Variants in SMC2 observed in about 807,000 individuals in gnomAD.
The protein encoded by SMC2 is structural maintenance of chromosomes 2.
A neutral mutation model predicts 142.6 loss-of-function variants in SMC2; 41 were observed. The observed-to-expected ratio is 0.29, with a 90% CI of 0.22 to 0.37. The LOEUF (loss-of-function observed/expected upper bound fraction) is 0.37. Ranked by LOEUF, SMC2 falls within the 10% of genes least tolerant of loss-of-function variation. The pLI is 1.00. For missense variants in SMC2, 1,265 were observed against 1,373.7 expected, an observed-to-expected ratio of 0.92 and a Z score of 1.25; for synonymous variants, 463 against 457.5, an observed-to-expected ratio of 1.01 and a Z score of -0.15.
intron 4 of SMC2, among the ~76,000 whole-genome samples, chr9:104,098,859 T>C (rs1041321956): frequency 6.6e-6 from 1 of 150,860 alleles, no homozygotes; most frequent in African/African-American, 2.4e-5. Context: ...AGCCATAATA[T>C]ATCCTTTTAA....
chr9:104,121,085 AGAGT>A (rs1368825474), intron 16 of SMC2, among the ~76,000 whole-genome samples: 7 of 152,210 alleles, frequency 4.6e-5, no homozygotes, highest in African/African-American at 1.7e-4. Context: ...AACACACGAA[AGAGT>A]GAGTGAACAA....
intron 11 of SMC2, 144 bp from the exon 12 acceptor site, chr9:104,113,820 A>G: frequency 1.8e-6 from 1 of 556,974 alleles, no homozygotes; most frequent in Non-Finnish European, 3.1e-6. Flanking sequence ...GGATAGAAAT[A>G]GGAAGGTTCA....
rs1178366300 is a variant in SMC2 at position 104,138,117 on chromosome 9, T to C, written c.3369T>C (p.His1123=). 2 of 1,610,270 alleles carry C rather than the reference T, an allele frequency of 1.2e-6. No homozygotes were observed. The highest frequency in any genetic ancestry group is 1.7e-6 in the Non-Finnish European group (2 of 1,177,502). The change falls in exon 24 of 25, where the codon CAT becomes CAC. Residue 1123 remains histidine, a synonymous_variant. Coordinates refer to ENST00000374793, the MANE Select transcript of SMC2 (RefSeq NM_006444.3). The part of the protein sequence containing the change: ...DEVDAALDLS[H]TQNIGQMLRT... ...TAGATGCAGCCTTGGATCTTTCTCA[T>C]ACCCAAAACATTGGACAGATGCTGC...
At chr9:104,110,872 T>G (rs987134198) in intron 9 of SMC2, among the ~76,000 whole-genome samples, 2 of 152,238 alleles carry the variant, frequency 1.3e-5, no homozygotes, top group Non-Finnish European at 2.9e-5. Flanking sequence ...CAACCTTGTT[T>G]TGTTTGATTA....
Position 104,114,057 on chromosome 9 carries a change from T to C in SMC2, c.1508T>C (p.Phe503Ser), listed in dbSNP as rs1267738929. Residue 503 changes from phenylalanine to serine, a missense_variant, in exon 12 of 25, where the codon TTT becomes TCT. Coordinates refer to ENST00000374793, the MANE Select transcript of SMC2 (RefSeq NM_006444.3). ...ACATATGAAGCTCTATTAGCCAGAT[T>C]TCCCAATCTTCGATTTGCATACAAG... is the stretch of plus-strand genomic sequence containing the variant. ...KETYEALLAR[F>S]PNLRFAYKDP... 1.3e-6 allele frequency: 2 copies of C among 1,578,092 alleles called. No individual in the cohort carries two copies. Among genetic ancestry groups the C allele is most frequent in the South Asian group, 1.2e-5 (1 of 85,642 alleles).
At chr9:104,108,001 C>T (rs1832007783) in intron 9 of SMC2, among the ~76,000 whole-genome samples, 1 of 152,176 alleles carries the variant, frequency 6.6e-6, no homozygotes. Context: ...GGCATACCTC[C>T]TCAGGTGGTG....
rs2131392577 is a variant in SMC2 at position 104,113,312 on chromosome 9, A to G, written c.1255-4A>G. ...CTATGGTCTGTTGCATTTTTCTGCC[A>G]CAGGCTCAGATGAAGTTGAAGCATG... On this transcript the variant is annotated splice_region_variant and splice_polypyrimidine_tract_variant and intron_variant, in intron 10 of 24. Coordinates refer to ENST00000374793, the MANE Select transcript of SMC2 (RefSeq NM_006444.3). The G allele has an allele frequency of 1.9e-6, 3 of 1,597,164 alleles. No individual in the cohort carries two copies. Among genetic ancestry groups the G allele is most frequent in the East Asian group, 4.5e-5 (2 of 44,362 alleles).
At chr9:104,115,381 C>A (rs1452328248) in intron 13 of SMC2, among the ~76,000 whole-genome samples, 1 of 151,944 alleles carries the variant, frequency 6.6e-6, no homozygotes, top group African/African-American at 2.4e-5. Flanking sequence ...TCGAGACCAG[C>A]CTCAGCAACG....
chr9:104,130,086 CAT>C (rs1834777008), intron 21 of SMC2, among the ~76,000 whole-genome samples: 2 of 152,140 alleles, frequency 1.3e-5, no homozygotes, highest in African/African-American at 4.8e-5. Flanking sequence ...CTTTGTCAAA[CAT>C]AATTCCTCAC....
chr9:104,133,772 G>A (rs539210629), intron 22 of SMC2, among the ~76,000 whole-genome samples: 36 of 152,094 alleles, frequency 2.4e-4, no homozygotes, highest in African/African-American at 7.7e-4. Context: ...CTTTTCTCTT[G>A]GGATGTAATC....
rs1482520681 is a variant in SMC2 at position 104,118,336 on chromosome 9, G to A, written c.1957G>A (p.Gly653Arg). The A allele has an allele frequency of 1.1e-5, 18 of 1,613,502 alleles. No individual in the cohort carries two copies. The highest frequency in any genetic ancestry group is 4.4e-5 in the South Asian group (4 of 91,004). The change falls in exon 15 of 25, where the codon GGA (glycine) becomes AGA (arginine). Residue 653 changes from glycine to arginine, a missense_variant. Transcript: ENST00000374793. ...KRIMTRTVTL[G>R]GDVFDPHGTL... ...GATAATGACTAGAACTGTAACTCTC[G>A]GAGGTGATGTGTTTGATCCTCATGG...
In SMC2 at chr9:104,102,577, A is replaced by G. The variant is rs780934580; in HGVS notation, c.1020+4A>G. On this transcript the variant is annotated splice_donor_region_variant and intron_variant, in intron 9 of 24. Coordinates refer to ENST00000374793, the MANE Select transcript of SMC2 (RefSeq NM_006444.3). Reference sequence around the variant, plus strand: ...GCTGGAAAAAAATATGGTTGAGGTAAGTGAGCTTAATGTGCCACTAGTGCC... The same window carrying G: ...GCTGGAAAAAAATATGGTTGAGGTAGGTGAGCTTAATGTGCCACTAGTGCC... 1.2e-6 allele frequency: 2 copies of G among 1,611,822 alleles called. No homozygotes were observed. The highest frequency in any genetic ancestry group is 1.7e-4 in the Middle Eastern group (1 of 6,050).
chr9:104,104,873 G>A (rs919375876), intron 9 of SMC2, among the ~76,000 whole-genome samples: 5 of 152,230 alleles, frequency 3.3e-5, no homozygotes, highest in Non-Finnish European at 5.9e-5. Flanking sequence ...CTGTGCCCAG[G>A]AGGACCACAG....
Position 104,129,875 on chromosome 9 carries a change from G to A in SMC2, c.2991+30G>A, listed in dbSNP as rs745472689. 1.0e-5 allele frequency: 16 copies of A among 1,545,132 alleles called. No individual in the cohort carries two copies. In the East Asian group the frequency reaches 2.3e-4, roughly 22 times the overall value. The stretch of plus-strand genomic sequence containing the variant: ...GTCAATTTCTTATGAATATCTGGCC[G>A]CATTAGAACATGACTAGCATTGACA... On this transcript the variant is annotated intron_variant, in intron 21 of 24. Transcript: ENST00000374793.
intron 8 of SMC2, 70 bp from the exon 9 acceptor site, chr9:104,102,354 A>T: frequency 1.4e-6 from 2 of 1,394,738 alleles, no homozygotes; most frequent in Non-Finnish European, 2.0e-6. Flanking sequence ...TTGATACAGA[A>T]CTCATACAAT....
rs554782913 is a variant in SMC2 at position 104,128,057 on chromosome 9, A to C, written c.2790+577A>C. Among the ~76,000 whole-genome samples, 11 of 152,362 alleles carry C rather than the reference A, an allele frequency of 7.2e-5. No individual in the cohort carries two copies. In the South Asian group the frequency reaches 2.1e-3, roughly 29 times the overall value. On this transcript the variant is annotated intron_variant, in intron 20 of 24. Coordinates refer to ENST00000374793, the MANE Select transcript of SMC2 (RefSeq NM_006444.3). ...TTAAAGATAACACGTGCTTTTGCAG[A>C]AATTCATTGCTTGGTTAAGAAGCTG...
Position 104,127,411 on chromosome 9 carries a change from G to A in SMC2, c.2721G>A (p.Gln907=). ...ACAAGGAGCAAAACAATGATTCTCAGCTTAAAATTAAGGAATTAGACCACA... is the reference window on the plus strand; with the variant it reads ...ACAAGGAGCAAAACAATGATTCTCAACTTAAAATTAAGGAATTAGACCACA... The part of the protein sequence containing the change: ...AKHKEQNNDS[Q]LKIKELDHNI... Residue 907 remains glutamine, a synonymous_variant, in exon 20 of 25, where the codon CAG becomes CAA. Coordinates refer to ENST00000374793, the MANE Select transcript of SMC2 (RefSeq NM_006444.3). 1.9e-6 allele frequency: 3 copies of A among 1,613,668 alleles called. No homozygotes were observed. In the South Asian group the frequency reaches 3.3e-5, roughly 18 times the overall value.
At position 104,129,761 on chromosome 9, in the gene SMC2, T is replaced by C. The variant is rs1834737307; in HGVS notation, c.2907T>C (p.Leu969=). Residue 969 remains leucine (L), a synonymous_variant, in exon 21 of 25, where the codon CTT becomes CTC. Transcript: ENST00000374793. ...TNNPKEAGQR[L]QKLQEMKEKL... ...ACCCTAAAGAAGCTGGTCAGAGACT[T>C]CAGAAGTTGCAAGAAATGAAGGAGA... The C allele has an allele frequency of 3.1e-6, 5 of 1,613,856 alleles. No individual in the cohort carries two copies. In the South Asian group the frequency reaches 4.4e-5, roughly 14 times the overall value.
chr9:104,104,316 T>C (rs949455891), intron 9 of SMC2, among the ~76,000 whole-genome samples: 5 of 152,328 alleles, frequency 3.3e-5, no homozygotes, highest in Admixed American at 2.0e-4. Context: ...AATGGATTTA[T>C]TACTTATTGA....
Sources: gnomAD v4.1 joint callset for allele counts (sites outside exome capture counted in the v4.1 genomes callset) on GRCh38, gnomAD v4.1.1 for gene constraint, MANE v1.5 for transcripts, NCBI Gene and HGNC (gene_info 2026-07-23, HGNC 2026-07-21) for gene names.